DEFA6: variants seen among roughly 807,000 people sequenced by gnomAD.
DEFA6 encodes the protein defensin alpha 6.
In DEFA6, 8 loss-of-function variants were observed where a neutral mutation model predicts 5.1. That is an observed-to-expected ratio of 1.57 (90% CI 0.92 to 2.83). The LOEUF (loss-of-function observed/expected upper bound fraction) is 2.83. DEFA6 is among the 30% of genes most tolerant of loss of function. The probability of loss-of-function intolerance (pLI) is 0.00; values close to 1 mark genes in which losing one functional copy is unlikely to be tolerated. For synonymous variants in DEFA6, 74 were observed against 45.3 expected (o/e 1.63, Z -2.54); for missense variants, 191 against 119.1 (o/e 1.60, Z -2.81).
At chr8:6,925,049 G>A in intron 1 of DEFA6, 122 bp from the exon 2 acceptor site, 1 of 627,454 alleles carries the variant, frequency 1.6e-6, no homozygotes, top group Non-Finnish European at 2.9e-6. Context: ...ACAGCCAATA[G>A]CATGATCACA....
chr8:6,925,410 C>T (rs1024118406), intron 1 of DEFA6, among the ~76,000 whole-genome samples: 1 of 151,886 alleles, frequency 6.6e-6, no homozygotes, highest in Non-Finnish European at 1.5e-5. Context: ...TGCCTGTAAT[C>T]CTAGTGACTT....
intron 1 of DEFA6, 89 bp downstream of exon 1, chr8:6,925,753 TA>T: frequency 8.4e-7 from 1 of 1,195,816 alleles, no homozygotes; most frequent in Non-Finnish European, 1.1e-6. Flanking sequence ...GGTGATCACC[TA>T]AGAGAAAGAG....
chr8:6,925,738 G>A, intron 1 of DEFA6, 105 bp downstream of exon 1: 1 of 907,264 alleles, frequency 1.1e-6, no homozygotes, highest in South Asian at 2.0e-5. Flanking sequence ...ATTGAGGCCT[G>A]GGGAGGTGAT....
rs769171181 is a variant in DEFA6, at chr8:6,925,922, G to T, written c.114C>A (p.Ala38=). The T allele has an allele frequency of 3.1e-6, 5 of 1,613,980 alleles. No homozygotes were observed. The South Asian group carries it at 5.5e-5, about 18-fold the overall frequency. ...GGTCATTTGCCCCACGCTGCTCCTG[G>T]GCATCAGCCTCATAAGCTTTTGCCT... is the stretch of plus-strand genomic sequence containing the variant. ...PLQAKAYEAD[A]QEQRGANDQD... Residue 38 remains alanine (A), a synonymous_variant, in exon 1 of 2, where the codon GCC becomes GCA. Coordinates refer to ENST00000297436, the MANE Select transcript of DEFA6 (RefSeq NM_001926.4).
chr8:6,925,778 C>G (rs1473971351), intron 1 of DEFA6, 65 bp downstream of exon 1: 1 of 1,425,952 alleles, frequency 7.0e-7, no homozygotes. Context: ...GCTGTTGGAT[C>G]TAATTCTAGA....
rs763767997 is a variant in DEFA6 at position 6,926,015 on chromosome 8, G to A, written c.21C>T (p.Leu7=). Residue 7 remains leucine, a synonymous_variant, in exon 1 of 2, where the codon CTC becomes CTT. Transcript: ENST00000297436. Reference sequence around the variant, plus strand: ...GGAGGGCCACGAGGAGAACAGCAGTGAGGATGGTGAGGGTTCTCATGGCTA... The same window carrying A: ...GGAGGGCCACGAGGAGAACAGCAGTAAGGATGGTGAGGGTTCTCATGGCTA... MRTLTI[L]TAVLLVALQA... 6.2e-7 allele frequency: 1 copy of A among 1,611,414 alleles called. No individual in the cohort carries two copies. Among genetic ancestry groups the A allele is most frequent in the East Asian group, 2.2e-5 (1 of 44,838 alleles).
rs778873847 is a variant in DEFA6 at position 6,924,832 on chromosome 8, A to G, written c.289T>C (p.Phe97Leu). The G allele has an allele frequency of 1.2e-5, 19 of 1,603,406 alleles. No individual in the cohort carries two copies. Among genetic ancestry groups the G allele is most frequent in the Admixed American group, 1.7e-5 (1 of 59,800 alleles). The part of the protein sequence containing the change: ...TCTVMGINHR[F>L]CCL ...GTTCTCATCCCTCAGAGGCAGCAGA[A>G]TCTGTGGTTAATACCCATGACAGTG... Residue 97 changes from phenylalanine (F) to leucine (L), a missense_variant, in exon 2 of 2, where the codon TTC (phenylalanine) becomes CTC (leucine). By Grantham distance (22) the Phe-to-Leu change is conservative (BLOSUM62 0). Transcript: ENST00000297436.
At chr8:6,925,215 C>T (rs772058676) in intron 1 of DEFA6, among the ~76,000 whole-genome samples, 1 of 152,150 alleles carries the variant, frequency 6.6e-6, no homozygotes, top group Non-Finnish European at 1.5e-5. Flanking sequence ...CTATAAAAGT[C>T]AGATTAAAAA....
chr8:6,924,772 A>C lies in DEFA6; in HGVS notation c.*46T>G, dbSNP rs1283277155. On this transcript the variant is annotated 3_prime_UTR_variant, in exon 2 of 2. Transcript: ENST00000297436. The stretch of plus-strand genomic sequence containing the variant: ...ATAGGACACACGACAGTTTCCTTCT[A>C]GGTCATAAAGTAAATTATGAATATA... The C allele has an allele frequency of 2.2e-6, 3 of 1,354,858 alleles. No homozygotes were observed. The allele number at this position is 1,354,858 out of a possible 1,614,324, so 83.9% of individuals were successfully genotyped here. A position where few individuals can be genotyped will look rare whatever the true frequency, so the allele number is the denominator to read the frequency against.
rs1476969495 is a variant in DEFA6 at position 6,924,868 on chromosome 8, A to G, written c.253T>C (p.Tyr85His). 2.5e-6 allele frequency: 4 copies of G among 1,611,798 alleles called. No homozygotes were observed. The highest frequency in any genetic ancestry group is 3.4e-6 in the Non-Finnish European group (4 of 1,178,128). Residue 85 changes from tyrosine (Y) to histidine (H), a missense_variant, in exon 2 of 2, where the codon TAT (tyrosine) becomes CAT (histidine). Tyr to His is a moderately conservative substitution (Grantham distance 83). Coordinates refer to ENST00000297436, the MANE Select transcript of DEFA6 (RefSeq NM_001926.4). ...RRSCYSTEYS[Y>H]GTCTVMGINH... is the part of the protein sequence containing the mutation. ...ATACCCATGACAGTGCAGGTCCCAT[A>G]GGAATATTCTGTTGAATAACAGGAC...
chr8:6,924,776 C>T lies in DEFA6; in HGVS notation c.*42G>A, dbSNP rs1280431368. 5.7e-6 allele frequency: 8 copies of T among 1,414,534 alleles called. No homozygotes were observed. The South Asian group carries it at 8.7e-5, about 15-fold the overall frequency. The allele number at this position is 1,414,534 out of a possible 1,614,324, so 87.6% of individuals were successfully genotyped here. A position where few individuals can be genotyped will look rare whatever the true frequency, so the allele number is the denominator to read the frequency against. On this transcript the variant is annotated 3_prime_UTR_variant, in exon 2 of 2. Coordinates refer to ENST00000297436, the MANE Select transcript of DEFA6 (RefSeq NM_001926.4). Reference sequence around the variant, plus strand: ...GACACACGACAGTTTCCTTCTAGGTCATAAAGTAAATTATGAATATATTTC... The same window carrying T: ...GACACACGACAGTTTCCTTCTAGGTTATAAAGTAAATTATGAATATATTTC...
intron 1 of DEFA6, among the ~76,000 whole-genome samples, 162 bp from the exon 2 acceptor site, chr8:6,925,089 T>C (rs1563432540): frequency 3.3e-5 from 5 of 152,204 alleles, no homozygotes; most frequent in Non-Finnish European, 4.4e-5. Context: ...CGCAGAGCAG[T>C]GTTGGTCACA....
At chr8:6,925,102 C>G (rs749620076) in intron 1 of DEFA6, among the ~76,000 whole-genome samples, 175 bp from the exon 2 acceptor site, 1 of 152,216 alleles carries the variant, frequency 6.6e-6, no homozygotes, top group Non-Finnish European at 1.5e-5. Flanking sequence ...TGGTCACACA[C>G]AGGATTAGAG....
chr8:6,925,748 T>A, intron 1 of DEFA6, 95 bp downstream of exon 1: 2 of 1,066,608 alleles, frequency 1.9e-6, no homozygotes, highest in Non-Finnish European at 2.6e-6. Flanking sequence ...GGGGAGGTGA[T>A]CACCTAAGAG....
In DEFA6 at chr8:6,925,987, C is replaced by T. The variant is rs1332814470; in HGVS notation, c.49G>A (p.Ala17Thr). ...LTAVLLVALQ[A>T]KAEPLQAEDD... ...TCAGCTTGGAGTGGCTCAGCCTTGG[C>T]CTGGAGGGCCACGAGGAGAACAGCA... Residue 17 changes from alanine to threonine, a missense_variant, in exon 1 of 2, where the codon GCC becomes ACC. Coordinates refer to ENST00000297436, the MANE Select transcript of DEFA6 (RefSeq NM_001926.4). The T allele has an allele frequency of 5.0e-6, 8 of 1,613,380 alleles. No homozygotes were observed. Among genetic ancestry groups the T allele is most frequent in the Non-Finnish European group, 5.1e-6 (6 of 1,179,808 alleles).
At chr8:6,925,348 G>T (rs999393954) in intron 1 of DEFA6, among the ~76,000 whole-genome samples, 15 of 129,928 alleles carry the variant, frequency 1.2e-4, no homozygotes, top group African/African-American at 4.4e-4. Context: ...GTGAAACCCC[G>T]TCTCTACTGA....
At chr8:6,924,948 C>A in intron 1 of DEFA6, 21 bp from the exon 2 acceptor site, 1 of 1,525,838 alleles carries the variant, frequency 6.6e-7, no homozygotes, top group East Asian at 2.3e-5. Flanking sequence ...AGAGAGAGAG[C>A]ATCAGAAATT....
Position 6,925,854 on chromosome 8 carries a change from A to T in DEFA6, c.182T>A (p.Leu61His). 1 of 1,612,600 alleles carries T rather than the reference A, an allele frequency of 6.2e-7. No individual in the cohort carries two copies. Among genetic ancestry groups the T allele is most frequent in the Non-Finnish European group, 8.5e-7 (1 of 1,179,394 alleles). ...VSFAEDASSS[L>H]RALGSTRAFT... ...CTGGTGTCTCTTACCCAAAGCTCTA[A>T]GACTTGAGCTTGCATCCTCTGCAAA... Residue 61 changes from leucine (L) to histidine (H), a missense_variant, in exon 1 of 2, where the codon CTT becomes CAT. Physicochemically the swap from Leu to His is moderately conservative, Grantham distance 99. Coordinates refer to ENST00000297436, the MANE Select transcript of DEFA6 (RefSeq NM_001926.4).
chr8:6,925,311 G>T (rs1328656804), intron 1 of DEFA6, among the ~76,000 whole-genome samples: 1 of 152,016 alleles, frequency 6.6e-6, no homozygotes, highest in Non-Finnish European at 1.5e-5. Flanking sequence ...ACAAGGTCAG[G>T]AGTTCAAGAC....
Sources: gnomAD v4.1 joint callset for allele counts (sites outside exome capture counted in the v4.1 genomes callset) on GRCh38, gnomAD v4.1.1 for gene constraint, MANE v1.5 for transcripts, NCBI Gene and HGNC (gene_info 2026-07-23, HGNC 2026-07-21) for gene names.